ZDHHC11B: variants seen among roughly 807,000 people sequenced by gnomAD.
ZDHHC11B encodes the protein probable palmitoyltransferase ZDHHC11B.
A neutral mutation model predicts 42.3 loss-of-function variants in ZDHHC11B; 17 were observed. That is an observed-to-expected ratio of 0.40 (90% CI 0.27 to 0.60). ZDHHC11B has a LOEUF of 0.60. Ranked by LOEUF, ZDHHC11B falls within the 20% of genes least tolerant of loss-of-function variation. The pLI, the probability that ZDHHC11B is intolerant of heterozygous loss-of-function variation, is 0.41. For missense variants in ZDHHC11B, 262 were observed against 463.2 expected, an observed-to-expected ratio of 0.57 and a Z score of 3.99; for synonymous variants, 123 against 193.5, an observed-to-expected ratio of 0.64 and a Z score of 3.02.
rs1204295056 is a variant in ZDHHC11B, at chr5:721,144, C to T, written c.1059-4279G>A. ...TTGGTATTCAAACTAGGGTGTTATA[C>T]ATTTAAGACATTAATTATTATCCCC... is the stretch of plus-strand genomic sequence containing the variant. On this transcript the variant is annotated intron_variant, in intron 12 of 13. Coordinates refer to ENST00000508859, the MANE Select transcript of ZDHHC11B (RefSeq NM_001351303.2). Among the ~76,000 whole-genome samples, 5 of 151,440 alleles carry T rather than the reference C, an allele frequency of 3.3e-5. No homozygotes were observed. The East Asian group carries it at 5.8e-4, about 18-fold the overall frequency.
intron 1 of ZDHHC11B, among the ~76,000 whole-genome samples, chr5:779,057 G>T (rs1339191655): frequency 6.6e-6 from 1 of 151,204 alleles, no homozygotes; most frequent in Non-Finnish European, 1.5e-5. Context: ...CCAGCCTCCA[G>T]AACTGTGAGA....
intron 1 of ZDHHC11B, among the ~76,000 whole-genome samples, chr5:778,040 G>A (rs867019529): frequency 1.8e-4 from 28 of 152,010 alleles, no homozygotes; most frequent in Middle Eastern, 3.4e-3. Flanking sequence ...GGGACCCGGC[G>A]CACCTCCGCA....
intron 4 of ZDHHC11B, among the ~76,000 whole-genome samples, chr5:764,635 A>C (rs1440014130): frequency 1.3e-5 from 2 of 151,850 alleles, no homozygotes; most frequent in Non-Finnish European, 2.9e-5. Context: ...GCCATGCCTG[A>C]GCCTCCCCGC....
chr5:784,103 G>C (rs955351557), intron 1 of ZDHHC11B, among the ~76,000 whole-genome samples: 173 of 151,686 alleles, frequency 1.1e-3, no homozygotes, highest in Non-Finnish European at 2.0e-3. Flanking sequence ...AGGCTCTGCG[G>C]GGGGCGGTCT....
At chr5:773,186 G>T (rs569540937) in intron 1 of ZDHHC11B, among the ~76,000 whole-genome samples, 3 of 151,866 alleles carry the variant, frequency 2.0e-5, no homozygotes, top group Non-Finnish European at 4.4e-5. Context: ...CTGGGCGGGC[G>T]CCTCTACCTT....
rs558759129 is a variant in ZDHHC11B at position 729,841 on chromosome 5, A to G, written c.1058+593T>C. ...GTGTGAGTAGATTTCCTATTACTCTATGTTCTGTGAGAAGTGTATCCTGTA... is the reference window on the plus strand; with the variant it reads ...GTGTGAGTAGATTTCCTATTACTCTGTGTTCTGTGAGAAGTGTATCCTGTA... On this transcript the variant is annotated intron_variant, in intron 12 of 13. Transcript: ENST00000508859. 1.1e-4 allele frequency among the ~76,000 whole-genome samples: 16 copies of G among 151,946 alleles called. No homozygotes were observed. The South Asian group carries it at 3.3e-3, about 32-fold the overall frequency.
At chr5:775,228 C>T (rs538140140) in intron 1 of ZDHHC11B, among the ~76,000 whole-genome samples, 14 of 152,082 alleles carry the variant, frequency 9.2e-5, no homozygotes, top group Non-Finnish European at 1.5e-4. Flanking sequence ...GACAGCTCCA[C>T]CTGCTCTGGA....
chr5:754,601 G>A (rs112877352), intron 6 of ZDHHC11B, among the ~76,000 whole-genome samples: 27 of 102,826 alleles, frequency 2.6e-4, no homozygotes, highest in African/African-American at 8.8e-4. Context: ...CCATGCTCAG[G>A]GGAAACACCT....
intron 13 of ZDHHC11B, among the ~76,000 whole-genome samples, chr5:715,939 G>A (rs1405088755): frequency 6.6e-6 from 1 of 151,062 alleles, no homozygotes; most frequent in Non-Finnish European, 1.5e-5. Flanking sequence ...CCGATCATAG[G>A]GCTTTTCTTG....
At chr5:784,410 G>C (rs1442108990) in intron 1 of ZDHHC11B, among the ~76,000 whole-genome samples, 1 of 152,082 alleles carries the variant, frequency 6.6e-6, no homozygotes, top group African/African-American at 2.4e-5. Context: ...CCTGTCCCTG[G>C]CGCGGCCGAC....
At chr5:713,299 A>T (rs1445563715) in intron 13 of ZDHHC11B, among the ~76,000 whole-genome samples, 3 of 151,998 alleles carry the variant, frequency 2.0e-5, no homozygotes, top group African/African-American at 7.2e-5. Context: ...AAAATCAGTG[A>T]TATTTCTCAT....
chr5:749,361 G>A (rs1407247249), intron 7 of ZDHHC11B, among the ~76,000 whole-genome samples: 2 of 129,494 alleles, frequency 1.5e-5, no homozygotes, highest in East Asian at 8.4e-4. Context: ...GGCCAGGCAA[G>A]GCAGAATGGC....
intron 1 of ZDHHC11B, among the ~76,000 whole-genome samples, chr5:777,752 C>A (rs898098163): frequency 1.3e-5 from 2 of 151,970 alleles, no homozygotes; most frequent in African/African-American, 2.4e-5. Context: ...ACTCAGGAGT[C>A]TAGCTAGCTT....
In ZDHHC11B at chr5:775,054, C is replaced by G. The variant is rs1259722949; in HGVS notation, c.-229-6124G>C. ...GCAGGAGCCATGGAGTCAGTGGGAG[C>G]TACTACCCCTCAGCTCATCACCCCT... is the stretch of plus-strand genomic sequence containing the variant. On this transcript the variant is annotated intron_variant, in intron 1 of 13. Transcript: ENST00000508859. 1.3e-5 allele frequency among the ~76,000 whole-genome samples: 2 copies of G among 151,930 alleles called. 1 individual carries two copies. The highest frequency in any genetic ancestry group is 2.9e-5 in the Non-Finnish European group (2 of 67,922).
At chr5:756,359 C>T (rs1244057353) in intron 4 of ZDHHC11B, among the ~76,000 whole-genome samples, 1 of 151,544 alleles carries the variant, frequency 6.6e-6, no homozygotes, top group African/African-American at 2.4e-5. Flanking sequence ...GCCCTTCACA[C>T]ACAGCCCTGC....
chr5:716,419 G>C (rs1258857107), intron 13 of ZDHHC11B, among the ~76,000 whole-genome samples: 29 of 151,880 alleles, frequency 1.9e-4, no homozygotes, highest in African/African-American at 6.1e-4. Flanking sequence ...GGGATAGGTA[G>C]GATCAGAGGC....
At chr5:744,276 A>G (rs1398774808) in intron 9 of ZDHHC11B, among the ~76,000 whole-genome samples, 1 of 149,876 alleles carries the variant, frequency 6.7e-6, no homozygotes, top group Admixed American at 6.8e-5. Flanking sequence ...GTATTGGCTT[A>G]CGAATATCTG....
intron 1 of ZDHHC11B, among the ~76,000 whole-genome samples, chr5:773,688 C>T (rs556775718): frequency 9.9e-5 from 15 of 151,858 alleles, no homozygotes; most frequent in Non-Finnish European, 2.1e-4. Flanking sequence ...CTGCTCACAG[C>T]ACATGCCCCT....
intron 1 of ZDHHC11B, among the ~76,000 whole-genome samples, chr5:777,531 G>A (rs755799917): frequency 1.3e-5 from 2 of 151,888 alleles, no homozygotes; most frequent in African/African-American, 4.8e-5. Flanking sequence ...CCACAGCGGA[G>A]AAGAGAATGG....
Sources: allele counts gnomAD v4.1 joint callset (sites outside exome capture counted in the v4.1 genomes callset), GRCh38; gene constraint gnomAD v4.1.1; transcripts MANE v1.5; gene names NCBI Gene and HGNC (gene_info 2026-07-23, HGNC 2026-07-21).